DNAAF2: variants seen among roughly 807,000 people sequenced by gnomAD.
DNAAF2 encodes the protein protein kintoun.
Under a neutral mutation model 48.8 loss-of-function variants are expected in DNAAF2, and 58 were observed. The observed-to-expected ratio is 1.19, with a 90% confidence interval of 0.96 to 1.48. The LOEUF (loss-of-function observed/expected upper bound fraction) is 1.48. Ranked by LOEUF, DNAAF2 falls within the 40% of genes most tolerant of loss-of-function variation. The pLI is 0.00. For missense variants in DNAAF2, 1,241 were observed against 1,116.1 expected (o/e 1.11, Z -1.59); for synonymous variants, 567 against 481.2 (o/e 1.18, Z -2.33).
chr14:49,635,229 G>A lies in DNAAF2; in HGVS notation c.-80C>T. 6.9e-7 allele frequency: 1 copy of A among 1,457,350 alleles called. No homozygotes were observed. 90.3% of individuals were successfully genotyped at this position (1,457,350 alleles called of 1,614,324 possible). A position where few individuals can be genotyped will look rare whatever the true frequency, so the allele number is the denominator to read the frequency against. ...TGGGGGATCCGCCTCAGAGTTTCTGGGCAGCGTACAGTGACGCGGTGGAGG... is the reference window on the plus strand; with the variant it reads ...TGGGGGATCCGCCTCAGAGTTTCTGAGCAGCGTACAGTGACGCGGTGGAGG... On this transcript the variant is annotated 5_prime_UTR_variant, in exon 1 of 3. Coordinates refer to ENST00000298292, the MANE Select transcript of DNAAF2 (RefSeq NM_018139.3).
chr14:49,635,097 T>G lies in DNAAF2; in HGVS notation c.53A>C (p.Glu18Ala). ...GGCGGAGGTGAGCCGCTGGACCTCC[T>G]CTCCGCTCAGGTCCAAGTCCTCCAG... ...SSLEDLDLSG[E>A]EVQRLTSAFQ... is the part of the protein sequence containing the mutation. The change falls in exon 1 of 3, where the codon GAG becomes GCG. Residue 18 changes from glutamate (E) to alanine (A), a missense_variant. Coordinates refer to ENST00000298292, the MANE Select transcript of DNAAF2 (RefSeq NM_018139.3). 1 of 1,580,612 alleles carries G rather than the reference T, an allele frequency of 6.3e-7. No homozygotes were observed. The highest frequency in any genetic ancestry group is 8.6e-7 in the Non-Finnish European group (1 of 1,164,222).
rs1367361626 is a variant in DNAAF2, at chr14:49,634,109, T to C, written c.1041A>G (p.Pro347=). The C allele has an allele frequency of 6.5e-7, 1 of 1,549,976 alleles. No individual in the cohort carries two copies. The highest frequency in any genetic ancestry group is 2.0e-5 in the Admixed American group (1 of 51,030). ...KARRQLVVTL[P]VVLPAARREP... Reference sequence around the variant, plus strand: ...CCCGGCGCGCGGCCGGCAGCACCACTGGCAGCGTAACCACCAGCTGCCGCC... The same window carrying C: ...CCCGGCGCGCGGCCGGCAGCACCACCGGCAGCGTAACCACCAGCTGCCGCC... The change falls in exon 1 of 3, where the codon CCA becomes CCG. Residue 347 remains proline, a synonymous_variant. Coordinates refer to ENST00000298292, the MANE Select transcript of DNAAF2 (RefSeq NM_018139.3).
At position 49,633,552 on chromosome 14, in the gene DNAAF2, G is replaced by A; in HGVS notation, c.1598C>T (p.Thr533Ile). 6.2e-7 allele frequency: 1 copy of A among 1,614,016 alleles called. No individual in the cohort carries two copies. Among genetic ancestry groups the A allele is most frequent in the South Asian group, 1.1e-5 (1 of 91,090 alleles). Residue 533 changes from threonine (T) to isoleucine (I), a missense_variant, in exon 1 of 3, where the codon ACC becomes ATC. Physicochemically the swap from Thr to Ile is moderately conservative, Grantham distance 89. Transcript: ENST00000298292. ...PPLLCNQDKE[T>I]LTLLIQVPRI... ...AGGCACCTGAATGAGCAGAGTCAAG[G>A]TTTCTTTGTCCTGATTACACAGTAA... is the stretch of plus-strand genomic sequence containing the variant.
At position 49,625,351 on chromosome 14, in the gene DNAAF2, T is replaced by C. The variant is rs886050525; in HGVS notation, c.*191A>G. The C allele has an allele frequency of 7.9e-6, 3 of 380,132 alleles. No homozygotes were observed. The highest frequency in any genetic ancestry group is 1.4e-5 in the Non-Finnish European group (3 of 218,378). 23.5% of individuals were successfully genotyped at this position (380,132 alleles called of 1,614,324 possible). On this transcript the variant is annotated 3_prime_UTR_variant, in exon 3 of 3. Coordinates refer to ENST00000298292, the MANE Select transcript of DNAAF2 (RefSeq NM_018139.3). ...TTATCTCCATAAGGAAACTTTAAAC[T>C]CCAGAGGCAAAAAAAAAAAAATTAT...
Position 49,633,547 on chromosome 14 carries a change from T to C in DNAAF2, c.1603A>G (p.Thr535Ala). 1 of 1,613,860 alleles carries C rather than the reference T, an allele frequency of 6.2e-7. No individual in the cohort carries two copies. The highest frequency in any genetic ancestry group is 1.7e-5 in the Admixed American group (1 of 60,014). Residue 535 changes from threonine to alanine, a missense_variant, in exon 1 of 3, where the codon ACT (threonine) becomes GCT (alanine). Thr to Ala is a moderately conservative substitution (Grantham distance 58, BLOSUM62 0). Coordinates refer to ENST00000298292, the MANE Select transcript of DNAAF2 (RefSeq NM_018139.3). Reference protein sequence around the residue: ...LLCNQDKETLTLLIQVPRIQP... With the variant: ...LLCNQDKETLALLIQVPRIQP... ...ATCCGAGGCACCTGAATGAGCAGAG[T>C]CAAGGTTTCTTTGTCCTGATTACAC... is the stretch of plus-strand genomic sequence containing the variant.
rs199559759 is a variant in DNAAF2, at chr14:49,635,100, C to T, written c.50G>A (p.Gly17Glu). 3.2e-6 allele frequency: 5 copies of T among 1,578,342 alleles called. No homozygotes were observed. Among genetic ancestry groups the T allele is most frequent in the African/African-American group, 2.7e-5 (2 of 74,198 alleles). Residue 17 changes from glycine (G) to glutamate (E), a missense_variant, in exon 1 of 3, where the codon GGA (glycine) becomes GAA (glutamate). Transcript: ENST00000298292. ...SSSLEDLDLS[G>E]EEVQRLTSAF... ...GGAGGTGAGCCGCTGGACCTCCTCT[C>T]CGCTCAGGTCCAAGTCCTCCAGCGA...
Position 49,634,568 on chromosome 14 carries a change from C to G in DNAAF2, c.582G>C (p.Gly194=), listed in dbSNP as rs532979117. 5.6e-6 allele frequency: 9 copies of G among 1,604,846 alleles called. No individual in the cohort carries two copies. The highest frequency in any genetic ancestry group is 2.7e-5 in the African/African-American group (2 of 75,060). The change falls in exon 1 of 3, where the codon GGG becomes GGC. Residue 194 remains glycine (G), a synonymous_variant. Coordinates refer to ENST00000298292, the MANE Select transcript of DNAAF2 (RefSeq NM_018139.3). ...TGCGCAGCACCGCAGCCTCTGGGGT[C>G]CCCTTATACTTGGCCTTCAGGGTCT... ...NAKTLKAKYK[G]TPEAAVLRTP...
At chr14:49,628,754 CTCTT>C (rs1463494170) in intron 1 of DNAAF2, among the ~76,000 whole-genome samples, 2 of 151,898 alleles carry the variant, frequency 1.3e-5, no homozygotes, top group African/African-American at 4.8e-5. Context: ...CACAGCTGGC[CTCTT>C]TTAGTATTTC....
In DNAAF2 at chr14:49,634,192, G is replaced by C. The variant is rs1718214335; in HGVS notation, c.958C>G (p.Leu320Val). 6.2e-7 allele frequency: 1 copy of C among 1,611,026 alleles called. No homozygotes were observed. The highest frequency in any genetic ancestry group is 1.3e-5 in the African/African-American group (1 of 75,042). The change falls in exon 1 of 3, where the codon CTC (leucine) becomes GTC (valine). Residue 320 changes from leucine (L) to valine (V), a missense_variant. Leu to Val is a conservative substitution (Grantham distance 32, BLOSUM62 1). Transcript: ENST00000298292. ...TCGTCCACTGGGTACGGGAGCGAGA[G>C]CCGCAGCCGGTAGTCAGGTTTCCTC... ...DSRKPDYRLR[L>V]SLPYPVDDGR...
At position 49,633,348 on chromosome 14, in the gene DNAAF2, G is replaced by T. The variant is rs1186449807; in HGVS notation, c.1802C>A (p.Ser601Tyr). The change falls in exon 1 of 3, where the codon TCT becomes TAT. Residue 601 changes from serine (S) to tyrosine (Y), a missense_variant. Transcript: ENST00000298292. ...TCTCCAATGTCCATGGCTCTCTGGAGATTTTGCCAGTTCTATCACTGCATT... is the reference window on the plus strand; with the variant it reads ...TCTCCAATGTCCATGGCTCTCTGGATATTTTGCCAGTTCTATCACTGCATT... ...SNNAVIELAK[S>Y]PESHGHWREW... is the part of the protein sequence containing the mutation. The T allele has an allele frequency of 6.2e-7, 1 of 1,613,946 alleles. No homozygotes were observed. The highest frequency in any genetic ancestry group is 1.3e-5 in the African/African-American group (1 of 74,950).
chr14:49,633,631 C>G lies in DNAAF2; in HGVS notation c.1519G>C (p.Ala507Pro), dbSNP rs1883228020. The change falls in exon 1 of 3, where the codon GCC becomes CCC. Residue 507 changes from alanine to proline, a missense_variant. Ala to Pro is a conservative substitution (Grantham distance 27). Coordinates refer to ENST00000298292, the MANE Select transcript of DNAAF2 (RefSeq NM_018139.3). ...ESEGTGGQRS[A>P]CAMGGPGTKS... ...GTCCCGGGACCACCCATGGCGCAGG[C>G]TGAGCGCTGGCCGCCCGTGCCCTCC... The G allele has an allele frequency of 6.2e-7, 1 of 1,613,244 alleles. No homozygotes were observed. The highest frequency in any genetic ancestry group is 8.5e-7 in the Non-Finnish European group (1 of 1,179,530).
chr14:49,626,799 CT>C (rs34085502), intron 2 of DNAAF2, among the ~76,000 whole-genome samples: 77 of 63,404 alleles, frequency 1.2e-3, no homozygotes, highest in East Asian at 7.9e-3. Context: ...TGCTGCCAGT[CT>C]TTTTTTTTTT....
rs867153082 is a variant in DNAAF2 at position 49,635,124 on chromosome 14, G to A, written c.26C>T (p.Ser9Leu). The A allele has an allele frequency of 1.3e-6, 2 of 1,565,876 alleles. No individual in the cohort carries two copies. The highest frequency in any genetic ancestry group is 1.7e-6 in the Non-Finnish European group (2 of 1,156,150). Reference sequence around the variant, plus strand: ...TCCGCTCAGGTCCAAGTCCTCCAGCGACGAGGAGGCCGCCGCTTTGGCCAT... The same window carrying A: ...TCCGCTCAGGTCCAAGTCCTCCAGCAACGAGGAGGCCGCCGCTTTGGCCAT... MAKAAASS[S>L]LEDLDLSGEE... is the part of the protein sequence containing the mutation. The change falls in exon 1 of 3, where the codon TCG becomes TTG. Residue 9 changes from serine (S) to leucine (L), a missense_variant. Ser to Leu is a moderately radical substitution (Grantham distance 145). Transcript: ENST00000298292.
intron 2 of DNAAF2, 87 bp downstream of exon 2, chr14:49,627,925 A>G: frequency 7.5e-7 from 1 of 1,327,374 alleles, no homozygotes; most frequent in Non-Finnish European, 1.0e-6. Flanking sequence ...AATTTTGTTT[A>G]AAGTTATGAT....
In DNAAF2 at chr14:49,625,512, T is replaced by C; in HGVS notation, c.*30A>G. On this transcript the variant is annotated 3_prime_UTR_variant, in exon 3 of 3. Coordinates refer to ENST00000298292, the MANE Select transcript of DNAAF2 (RefSeq NM_018139.3). ...TTTAGATACAGGTATTTTTTAACCT[T>C]AATATTTAAAAGTCCAAAATTATAT... 1 of 1,389,234 alleles carries C rather than the reference T, an allele frequency of 7.2e-7. No homozygotes were observed. The highest frequency in any genetic ancestry group is 9.5e-7 in the Non-Finnish European group (1 of 1,051,840). The allele number at this position is 1,389,234 out of a possible 1,614,324, so 86.1% of individuals were successfully genotyped here.
chr14:49,630,919 T>G (rs1380746844), intron 1 of DNAAF2, among the ~76,000 whole-genome samples: 2 of 151,982 alleles, frequency 1.3e-5, no homozygotes, highest in African/African-American at 4.8e-5. Flanking sequence ...CCCAGCTAAT[T>G]TTTGTATTTT....
Position 49,628,080 on chromosome 14 carries a change from T to C in DNAAF2, c.1939A>G (p.Met647Val), listed in dbSNP as rs1883057031. ...TCAATTAATGGTGGGGTCAAGGACATAGACTGTTTGAATGGAGAGCTCAGG... is the reference window on the plus strand; with the variant it reads ...TCAATTAATGGTGGGGTCAAGGACACAGACTGTTTGAATGGAGAGCTCAGG... ...EVLSSPFKQS[M>V]SLTPPLIEVL... The change falls in exon 2 of 3, where the codon ATG (methionine) becomes GTG (valine). Residue 647 changes from methionine to valine, a missense_variant. Transcript: ENST00000298292. 5.0e-6 allele frequency: 8 copies of C among 1,587,320 alleles called. No homozygotes were observed. Among genetic ancestry groups the C allele is most frequent in the Non-Finnish European group, 6.9e-6 (8 of 1,164,870 alleles).
chr14:49,626,676 G>C (rs970821812), intron 2 of DNAAF2, among the ~76,000 whole-genome samples: 1 of 147,576 alleles, frequency 6.8e-6, no homozygotes, highest in African/African-American at 2.5e-5. Flanking sequence ...GCTAATTTTT[G>C]TATTTTTAGT....
Position 49,633,643 on chromosome 14 carries a change from C to T in DNAAF2, c.1507G>A (p.Gly503Ser), listed in dbSNP as rs1314047062. The change falls in exon 1 of 3, where the codon GGC becomes AGC. Residue 503 changes from glycine to serine, a missense_variant. Coordinates refer to ENST00000298292, the MANE Select transcript of DNAAF2 (RefSeq NM_018139.3). ...CCCATGGCGCAGGCTGAGCGCTGGCCGCCCGTGCCCTCCGACTCCTCGCGT... is the reference window on the plus strand; with the variant it reads ...CCCATGGCGCAGGCTGAGCGCTGGCTGCCCGTGCCCTCCGACTCCTCGCGT... ...ETREESEGTGGQRSACAMGGP... is the reference protein window; with the variant it reads ...ETREESEGTGSQRSACAMGGP... The T allele has an allele frequency of 1.2e-6, 2 of 1,612,786 alleles. No homozygotes were observed. Among genetic ancestry groups the T allele is most frequent in the Non-Finnish European group, 1.7e-6 (2 of 1,179,188 alleles).
Sources: gnomAD v4.1 joint callset for allele counts (sites outside exome capture counted in the v4.1 genomes callset) on GRCh38, gnomAD v4.1.1 for gene constraint, MANE v1.5 for transcripts, NCBI Gene and HGNC (gene_info 2026-07-23, HGNC 2026-07-21) for gene names.